FGF12: variants seen among roughly 807,000 people sequenced by gnomAD.
FGF12 encodes the protein fibroblast growth factor 12B.
A neutral mutation model predicts 23.6 loss-of-function variants in FGF12; 14 were observed. The ratio of observed to expected loss-of-function variants is 0.59; its 90% CI spans 0.39 to 0.93. FGF12 has a LOEUF of 0.93. FGF12 is among the 40% of genes least tolerant of loss of function. The pLI is 0.00. For synonymous variants in FGF12, 62 were observed against 77.3 expected (o/e 0.80, Z 1.04); for missense variants, 175 against 217.8 (o/e 0.80, Z 1.24).
At chr3:192,225,160 A>C (rs1177128807) in intron 4 of FGF12, among the ~76,000 whole-genome samples, 6 of 152,140 alleles carry the variant, frequency 3.9e-5, no homozygotes, top group Admixed American at 3.9e-4. Flanking sequence ...GCAAGTCTGT[A>C]TCCCAAGCTG....
Position 192,225,261 on chromosome 3 carries a change from C to T in FGF12, c.229-54605G>A, listed in dbSNP as rs116007261. Among the ~76,000 whole-genome samples, 923 of 152,216 alleles carry T rather than the reference C, an allele frequency of 6.1e-3. 8 individuals are homozygous for T. Among genetic ancestry groups the T allele is most frequent in the African/African-American group, 0.021 (871 of 41,540 alleles). On this transcript the variant is annotated intron_variant, in intron 4 of 5. Transcript: ENST00000445105. ...TATGCTCATCCTCCTGCTCACTAGC[C>T]ATCATCGCTCTGCACTCAATATTTT...
chr3:192,565,694 C>A (rs932589922), intron 2 of FGF12, among the ~76,000 whole-genome samples: 6 of 152,160 alleles, frequency 3.9e-5, no homozygotes, highest in African/African-American at 1.4e-4. Context: ...GTATAGTAGG[C>A]TATATGATCT....
intron 2 of FGF12, among the ~76,000 whole-genome samples, chr3:192,682,377 T>C (rs1012428346): frequency 2.0e-5 from 3 of 152,170 alleles, no homozygotes; most frequent in Non-Finnish European, 4.4e-5. Context: ...GGTCTTGAGA[T>C]AAGAAAACCT....
intron 2 of FGF12, among the ~76,000 whole-genome samples, chr3:192,710,854 C>T (rs898150030): frequency 1.3e-5 from 2 of 152,154 alleles, no homozygotes; most frequent in Non-Finnish European, 2.9e-5. Flanking sequence ...CTACGGATTT[C>T]CAAAACCCAC....
intron 2 of FGF12, among the ~76,000 whole-genome samples, chr3:192,509,098 T>C (rs1724396643): frequency 6.6e-6 from 1 of 152,106 alleles, no homozygotes; most frequent in South Asian, 2.1e-4. Flanking sequence ...TGGCAATCTC[T>C]GAAGCAAGAG....
chr3:192,540,269 T>G (rs1053357139), intron 2 of FGF12, among the ~76,000 whole-genome samples: 3 of 152,094 alleles, frequency 2.0e-5, no homozygotes, highest in African/African-American at 7.2e-5. Context: ...TTGACGTAGG[T>G]AATTATAGCT....
chr3:192,234,567 T>C (rs1719184193), intron 4 of FGF12, among the ~76,000 whole-genome samples: 1 of 152,196 alleles, frequency 6.6e-6, no homozygotes. Context: ...GGAATTCCAG[T>C]ACAATGTTGA....
chr3:192,203,590 T>C (rs2366570), intron 4 of FGF12, among the ~76,000 whole-genome samples: 82,635 of 143,504 alleles, frequency 0.58, 26,495 homozygotes, highest in East Asian at 0.95. Flanking sequence ...TTTTTGAAGA[T>C]AGGGTCTTAC....
chr3:192,566,578 G>A (rs1477494138), intron 2 of FGF12, among the ~76,000 whole-genome samples: 1 of 152,104 alleles, frequency 6.6e-6, no homozygotes, highest in Non-Finnish European at 1.5e-5. Flanking sequence ...CCCTGGATAG[G>A]GCACATGCTT....
chr3:192,193,194 C>A (rs571602490), intron 4 of FGF12, among the ~76,000 whole-genome samples: 2 of 152,306 alleles, frequency 1.3e-5, no homozygotes, highest in African/African-American at 2.4e-5. Flanking sequence ...GTTTGACTTA[C>A]TTCCTGGTCT....
chr3:192,227,580 T>TAAAAAAAAAAAAAAAAAAAA (rs778525112), intron 4 of FGF12, among the ~76,000 whole-genome samples: 3 of 60,274 alleles, frequency 5.0e-5, no homozygotes, highest in Admixed American at 1.8e-4. Context: ...GAACTTAAAG[T>TAAAAAAAAAAAAAAAAAAAA]AAAAAAAAAA....
intron 4 of FGF12, among the ~76,000 whole-genome samples, chr3:192,289,497 T>C (rs1714641160): frequency 6.6e-6 from 1 of 152,050 alleles, no homozygotes; most frequent in Non-Finnish European, 1.5e-5. Context: ...AGTAGAGGAT[T>C]CAAATGCGAA....
intron 2 of FGF12, among the ~76,000 whole-genome samples, chr3:192,593,948 G>A (rs2108624773): frequency 6.6e-6 from 1 of 151,992 alleles, no homozygotes; most frequent in Middle Eastern, 3.4e-3. Flanking sequence ...GTCTTACTTT[G>A]TCTAGACACT....
intron 2 of FGF12, among the ~76,000 whole-genome samples, chr3:192,361,853 A>C (rs1392851347): frequency 6.6e-6 from 1 of 152,220 alleles, no homozygotes; most frequent in Admixed American, 6.5e-5. Flanking sequence ...CATCTTTTTC[A>C]AAGCAGTCCT....
At chr3:192,573,998 C>T (rs901282469) in intron 2 of FGF12, among the ~76,000 whole-genome samples, 1 of 152,212 alleles carries the variant, frequency 6.6e-6, no homozygotes, top group Non-Finnish European at 1.5e-5. Context: ...AGGGCCTCTG[C>T]CCAGCCATTC....
intron 2 of FGF12, among the ~76,000 whole-genome samples, chr3:192,688,655 G>A (rs1451396966): frequency 6.6e-6 from 1 of 152,002 alleles, no homozygotes; most frequent in African/African-American, 2.4e-5. Flanking sequence ...CTCTAAAGAA[G>A]CTCAGTAAAA....
At chr3:192,475,349 T>C (rs1723287021) in intron 2 of FGF12, among the ~76,000 whole-genome samples, 2 of 152,158 alleles carry the variant, frequency 1.3e-5, no homozygotes, top group South Asian at 4.1e-4. Context: ...AGGAAGACCT[T>C]TCCCCCTTAA....
At chr3:192,187,603 C>T (rs1334161065) in intron 4 of FGF12, among the ~76,000 whole-genome samples, 3 of 152,080 alleles carry the variant, frequency 2.0e-5, no homozygotes, top group African/African-American at 7.2e-5. Flanking sequence ...AAGAATTTGC[C>T]ATACTGTGAG....
chr3:192,526,437 T>A (rs1724947593), intron 2 of FGF12, among the ~76,000 whole-genome samples: 1 of 152,188 alleles, frequency 6.6e-6, no homozygotes, highest in African/African-American at 2.4e-5. Flanking sequence ...AGTGTTGATT[T>A]AGCCAGAGGA....
Sources: allele counts gnomAD v4.1 joint callset (sites outside exome capture counted in the v4.1 genomes callset), GRCh38; gene constraint gnomAD v4.1.1; transcripts MANE v1.5; gene names NCBI Gene and HGNC (gene_info 2026-07-23, HGNC 2026-07-21).